Variants in DOP1B observed in about 807,000 individuals in gnomAD.
The protein encoded by DOP1B is protein DOP1B.
A neutral mutation model predicts 233.5 loss-of-function variants in DOP1B; 174 were observed. The observed-to-expected ratio is 0.75, with a 90% CI of 0.66 to 0.85. The LOEUF (loss-of-function observed/expected upper bound fraction) is 0.85. Among genes scored for constraint, DOP1B ranks in the 40% least tolerant of loss-of-function variants. DOP1B has a pLI of 0.00. For missense variants in DOP1B, 2,652 were observed against 2,846.6 expected (o/e 0.93, Z 1.56); for synonymous variants, 1,190 against 1,185.6 (o/e 1.00, Z -0.08).
intron 21 of DOP1B, 113 bp downstream of exon 21, chr21:36,248,681 A>G (rs1410400404): frequency 1.9e-6 from 2 of 1,039,230 alleles, no homozygotes; most frequent in African/African-American, 1.6e-5. Flanking sequence ...ATGAAACCCA[A>G]GTCAGAGATC....
In DOP1B at chr21:36,293,442, C is replaced by A; in HGVS notation, c.6768C>A (p.Thr2256=). ...TGACTCTAAATGGTGCATTTAAGAC[C>A]CAGAGACAGCTGCCTGCTGATAGCC... ...FFMTLNGAFK[T]QRQLPADSPG... is the part of the protein sequence containing the mutation. The change falls in exon 37 of 37, where the codon ACC becomes ACA. Residue 2256 remains threonine (T), a synonymous_variant. Coordinates refer to ENST00000691173, the MANE Select transcript of DOP1B (RefSeq NM_001320714.2). The A allele has an allele frequency of 6.2e-7, 1 of 1,614,106 alleles. No homozygotes were observed. Among genetic ancestry groups the A allele is most frequent in the Non-Finnish European group, 8.5e-7 (1 of 1,180,022 alleles).
chr21:36,238,778 T>A, intron 17 of DOP1B, 77 bp downstream of exon 17: 2 of 1,412,078 alleles, frequency 1.4e-6, no homozygotes, highest in Non-Finnish European at 2.0e-6. Context: ...CGTGTGGGGC[T>A]GGGGAGGGAG....
At position 36,230,603 on chromosome 21, in the gene DOP1B, C is replaced by T; in HGVS notation, c.1819C>T (p.Pro607Ser). Residue 607 changes from proline to serine, a missense_variant, in exon 14 of 37, where the codon CCT (proline) becomes TCT (serine). Around this residue, in one of 3 missense-constraint regions of DOP1B, gnomAD observed 2,617 missense variants for 2,794.3 expected, o/e 0.94. Coordinates refer to ENST00000691173, the MANE Select transcript of DOP1B (RefSeq NM_001320714.2). ...GGAGCTCTCTGAGCACTTGAGGGTT[C>T]CTCGAGTTTCTCTGGAAAGGGACGA... ...SPELSEHLRV[P>S]RVSLERDDVW... 6.2e-7 allele frequency: 1 copy of T among 1,614,184 alleles called. No individual in the cohort carries two copies. The highest frequency in any genetic ancestry group is 1.1e-5 in the South Asian group (1 of 91,080).
chr21:36,289,538 G>A (rs2067533485), intron 35 of DOP1B, among the ~76,000 whole-genome samples: 1 of 151,822 alleles, frequency 6.6e-6, no homozygotes, highest in Non-Finnish European at 1.5e-5. Context: ...CTGCCTTTGT[G>A]TAGACCTTTT....
intron 23 of DOP1B, among the ~76,000 whole-genome samples, chr21:36,257,096 C>T (rs1191137761): frequency 2.6e-5 from 4 of 152,096 alleles, no homozygotes. Flanking sequence ...AGAGCAGCTC[C>T]CAGAACTCCA....
chr21:36,181,832 C>T (rs2066101993), intron 2 of DOP1B, among the ~76,000 whole-genome samples: 1 of 78,510 alleles, frequency 1.3e-5, no homozygotes, highest in Non-Finnish European at 2.4e-5. Flanking sequence ...ACTCACCTTC[C>T]ATTTAATGGA....
intron 2 of DOP1B, among the ~76,000 whole-genome samples, chr21:36,177,038 C>T (rs2066040132): frequency 6.6e-6 from 1 of 152,252 alleles, no homozygotes; most frequent in Admixed American, 6.5e-5. Flanking sequence ...GTCTTGAACT[C>T]CTGACCTCAG....
chr21:36,194,144 T>C (rs112285605), intron 2 of DOP1B, among the ~76,000 whole-genome samples: 241 of 152,326 alleles, frequency 1.6e-3, no homozygotes, highest in African/African-American at 5.6e-3. Context: ...TATTGCTTTG[T>C]TAAGCCTTAG....
intron 4 of DOP1B, among the ~76,000 whole-genome samples, chr21:36,205,943 G>C (rs2066420962): frequency 6.6e-6 from 1 of 151,948 alleles, no homozygotes. Flanking sequence ...CTGGGAGGCA[G>C]AGGTTGCAGT....
Position 36,246,793 on chromosome 21 carries a change from C to G in DOP1B, c.4697+116C>G, listed in dbSNP as rs564462760. 7.0e-6 allele frequency: 9 copies of G among 1,286,868 alleles called. No homozygotes were observed. Among genetic ancestry groups the G allele is most frequent in the Non-Finnish European group, 9.5e-6 (9 of 943,370 alleles). The allele number at this position is 1,286,868 out of a possible 1,614,324, so 79.7% of individuals were successfully genotyped here. A position where few individuals can be genotyped will look rare whatever the true frequency, so the allele number is the denominator to read the frequency against. On this transcript the variant is annotated intron_variant, in intron 19 of 36. Coordinates refer to ENST00000691173, the MANE Select transcript of DOP1B (RefSeq NM_001320714.2). The surrounding 1 kb of genome is among the most constrained non-coding windows in gnomAD (Gnocchi z 5.1). ...AGGATAATTTCATCCCAATGAGAAG[C>G]CTGTTTAGCATTATCAAGAGGGGTA...
At chr21:36,271,648 G>A (rs1211124183) in intron 27 of DOP1B, among the ~76,000 whole-genome samples, 3 of 152,024 alleles carry the variant, frequency 2.0e-5, no homozygotes, top group African/African-American at 4.8e-5. Context: ...ATGTGTGTGT[G>A]CTAAACACCG....
intron 2 of DOP1B, among the ~76,000 whole-genome samples, chr21:36,174,633 T>C (rs2066004468): frequency 6.6e-6 from 1 of 152,224 alleles, no homozygotes; most frequent in Non-Finnish European, 1.5e-5. Flanking sequence ...GCCTCCCAAG[T>C]AGCTGAGACT....
At chr21:36,273,065 G>A (rs1263183834) in intron 27 of DOP1B, among the ~76,000 whole-genome samples, 1 of 149,494 alleles carries the variant, frequency 6.7e-6, no homozygotes, top group Non-Finnish European at 1.5e-5. Flanking sequence ...TGGCGTCACT[G>A]CACTCCAGCC....
chr21:36,159,822 C>T (rs991691251), intron 1 of DOP1B, among the ~76,000 whole-genome samples: 1 of 152,202 alleles, frequency 6.6e-6, no homozygotes, highest in Non-Finnish European at 1.5e-5. Context: ...ACTCCTCTGC[C>T]GGTGGCTGAG....
At chr21:36,219,530 C>T (rs766207295) in intron 10 of DOP1B, 38 bp downstream of exon 10, 1 of 1,593,060 alleles carries the variant, frequency 6.3e-7, no homozygotes, top group Non-Finnish European at 8.5e-7. Context: ...ATCTCTCTCC[C>T]TCCCCGGTAC....
At chr21:36,280,943 A>C (rs965370132) in intron 31 of DOP1B, among the ~76,000 whole-genome samples, 3 of 152,098 alleles carry the variant, frequency 2.0e-5, no homozygotes. Context: ...CAGAGATTAC[A>C]GTGAGCCAAG....
intron 23 of DOP1B, among the ~76,000 whole-genome samples, chr21:36,255,680 C>A (rs1723937347): frequency 6.6e-6 from 1 of 152,144 alleles, no homozygotes; most frequent in African/African-American, 2.4e-5. Flanking sequence ...AATCCTCCTG[C>A]CTCGGCCTCC....
At chr21:36,261,920 A>G (rs939050255) in intron 24 of DOP1B, 5 of 980,174 alleles carry the variant, frequency 5.1e-6, no homozygotes, top group African/African-American at 1.8e-5. Context: ...CAAAAAGGAA[A>G]AAAAATGGGG....
chr21:36,283,993 G>C (rs1292028293), intron 32 of DOP1B, among the ~76,000 whole-genome samples: 3 of 142,762 alleles, frequency 2.1e-5, no homozygotes, highest in Non-Finnish European at 4.5e-5. Context: ...TGTCACCCAG[G>C]CTGGAGTACA....
Sources: allele counts gnomAD v4.1 joint callset (sites outside exome capture counted in the v4.1 genomes callset), GRCh38; gene constraint gnomAD v4.1.1; regional missense constraint gnomAD v4.1.1; non-coding constraint Gnocchi (gnomAD v3.1); transcripts MANE v1.5; gene names NCBI Gene and HGNC (gene_info 2026-07-23, HGNC 2026-07-21).